The following RNF185 variants were observed in gnomAD, a reference collection of about 807,000 sequenced individuals.
The protein encoded by RNF185 is ring finger protein 185.
A neutral mutation model predicts 24.9 loss-of-function variants in RNF185; 13 were observed. The observed-to-expected ratio is 0.52, with a 90% confidence interval of 0.34 to 0.83. The LOEUF is 0.83. Ranked by LOEUF, RNF185 falls within the 40% of genes least tolerant of loss-of-function variation. The pLI is 0.01. For synonymous variants in RNF185, 79 were observed against 90.3 expected, an observed-to-expected ratio of 0.88 and a Z score of 0.71; for missense variants, 184 against 244.7, an observed-to-expected ratio of 0.75 and a Z score of 1.65.
chr22:31,201,695 T>G, intron 6 of RNF185, 80 bp downstream of exon 6: 1 of 978,296 alleles, frequency 1.0e-6, no homozygotes, highest in African/African-American at 1.6e-5. Context: ...CAGCAGTATA[T>G]AAGTTACAGA....
In RNF185 at chr22:31,206,167, C is replaced by T. The variant is rs2048312770; in HGVS notation, c.*1581C>T. On this transcript the variant is annotated 3_prime_UTR_variant, in exon 7 of 7. Coordinates refer to ENST00000326132, the MANE Select transcript of RNF185 (RefSeq NM_152267.4). ...CTGCATAGTTTATGGAAACAAAGAT[C>T]TTGAGGAAGATGAGGGAAGCCCTCC... is the stretch of plus-strand genomic sequence containing the variant. 6.5e-6 allele frequency: 1 copy of T among 153,004 alleles called. No homozygotes were observed. The highest frequency in any genetic ancestry group is 2.1e-4 in the South Asian group (1 of 4,852). 9.5% of individuals were successfully genotyped at this position (153,004 alleles called of 1,614,324 possible). A position where few individuals can be genotyped will look rare whatever the true frequency, so the allele number is the denominator to read the frequency against.
At chr22:31,200,301 G>A (rs370770950) in intron 5 of RNF185, among the ~76,000 whole-genome samples, 12 of 152,162 alleles carry the variant, frequency 7.9e-5, no homozygotes, top group African/African-American at 2.7e-4. Flanking sequence ...AGTCTACAGT[G>A]AGCCATGATT....
rs1208602446 is a variant in RNF185, at chr22:31,204,517, C to T, written c.510C>T (p.Asp170=). 7.5e-6 allele frequency: 12 copies of T among 1,610,244 alleles called. No homozygotes were observed. Among genetic ancestry groups the T allele is most frequent in the Admixed American group, 1.7e-5 (1 of 59,976 alleles). The change falls in exon 7 of 7, where the codon GAC becomes GAT. Residue 170 remains aspartate (D), a synonymous_variant. Coordinates refer to ENST00000326132, the MANE Select transcript of RNF185 (RefSeq NM_152267.4). ...TCCCTGGGACACCCCAGTATGTGGA[C>T]GAGCAGTTCCTGTCACGCCTCTTCC... ...PAVPGTPQYV[D]EQFLSRLFLF...
chr22:31,168,128 C>T (rs1156852696), intron 1 of RNF185, among the ~76,000 whole-genome samples: 1 of 152,206 alleles, frequency 6.6e-6, no homozygotes, highest in East Asian at 1.9e-4. Context: ...AACCACTATT[C>T]CACTTTCTGT....
intron 2 of RNF185, among the ~76,000 whole-genome samples, chr22:31,188,436 C>T (rs1482813909): frequency 6.6e-6 from 1 of 152,160 alleles, no homozygotes; most frequent in African/African-American, 2.4e-5. Flanking sequence ...AAAACCAGGA[C>T]TTGAAATGAT....
intron 1 of RNF185, among the ~76,000 whole-genome samples, 180 bp from the exon 2 acceptor site, chr22:31,186,867 T>C (rs761740810): frequency 3.1e-4 from 47 of 152,166 alleles, no homozygotes; most frequent in Non-Finnish European, 5.6e-4. Context: ...ATGAGAAGTT[T>C]CTGGGTCACT....
At chr22:31,184,977 A>C (rs1321333429) in intron 1 of RNF185, among the ~76,000 whole-genome samples, 2 of 131,186 alleles carry the variant, frequency 1.5e-5, no homozygotes, top group Non-Finnish European at 3.6e-5. Context: ...TTAATTTTTT[A>C]AGATTTTTTT....
chr22:31,160,346 G>C (rs892207248), intron 1 of RNF185, 43 bp downstream of exon 1: 1 of 152,260 alleles, frequency 6.6e-6, no homozygotes, highest in Non-Finnish European at 1.5e-5. Flanking sequence ...CCAAAGTTTA[G>C]GGACGGGGGC....
At position 31,205,045 on chromosome 22, in the gene RNF185, G is replaced by A. The variant is rs1328774468; in HGVS notation, c.*459G>A. On this transcript the variant is annotated 3_prime_UTR_variant, in exon 7 of 7. Coordinates refer to ENST00000326132, the MANE Select transcript of RNF185 (RefSeq NM_152267.4). ...AGCCAGTGGGGGCTCCTCAGATAGA[G>A]AGGTTCCCCTTTCAAATCCCAGTGC... is the stretch of plus-strand genomic sequence containing the variant. 5.4e-6 allele frequency: 1 copy of A among 184,064 alleles called. No homozygotes were observed. Among genetic ancestry groups the A allele is most frequent in the East Asian group, 1.5e-4 (1 of 6,506 alleles). The allele number at this position is 184,064 out of a possible 1,614,324, so 11.4% of individuals were successfully genotyped here.
intron 1 of RNF185, among the ~76,000 whole-genome samples, chr22:31,171,751 C>G (rs1473673995): frequency 6.6e-6 from 1 of 151,862 alleles, no homozygotes. Context: ...AGCGGATCAC[C>G]TGAGGTCGGG....
chr22:31,175,167 G>T (rs561660086), intron 1 of RNF185, among the ~76,000 whole-genome samples: 50 of 152,074 alleles, frequency 3.3e-4, no homozygotes, highest in African/African-American at 1.1e-3. Context: ...TTATCTCTGG[G>T]CTTGGTGGCT....
At position 31,162,197 on chromosome 22, in the gene RNF185, C is replaced by T. The variant is rs147563826; in HGVS notation, c.-49+1894C>T. On this transcript the variant is annotated intron_variant, in intron 1 of 6. Coordinates refer to ENST00000326132, the MANE Select transcript of RNF185 (RefSeq NM_152267.4). Reference sequence around the variant, plus strand: ...CAGTTCTGCTGACTTGCTCCCCCGCCGCCACAAAAGTTAGGGTTGAGCCAA... The same window carrying T: ...CAGTTCTGCTGACTTGCTCCCCCGCTGCCACAAAAGTTAGGGTTGAGCCAA... 7.7e-4 allele frequency among the ~76,000 whole-genome samples: 117 copies of T among 152,238 alleles called. No homozygotes were observed. In the Middle Eastern group the frequency reaches 0.01, roughly 13 times the overall value.
intron 1 of RNF185, among the ~76,000 whole-genome samples, chr22:31,180,913 C>CTGTGTGTGTG (rs751657598): frequency 1.6e-5 from 1 of 60,862 alleles, no homozygotes; most frequent in African/African-American, 9.2e-5. Context: ...TTCTCTCTCT[C>CTGTGTGTGTG]TCTGTGTGTG....
chr22:31,193,500 A>C (rs2048174730), intron 3 of RNF185, among the ~76,000 whole-genome samples: 1 of 152,192 alleles, frequency 6.6e-6, no homozygotes, highest in Admixed American at 6.5e-5. Context: ...AATGTCTATA[A>C]AAACACATTT....
At chr22:31,170,556 G>A (rs1217831848) in intron 1 of RNF185, among the ~76,000 whole-genome samples, 1 of 151,706 alleles carries the variant, frequency 6.6e-6, no homozygotes, top group Non-Finnish European at 1.5e-5. Flanking sequence ...TGTCACCCAG[G>A]GTGGAGTGCG....
Position 31,170,016 on chromosome 22 carries a change from G to A in RNF185, c.-49+9713G>A, listed in dbSNP as rs866405648. On this transcript the variant is annotated intron_variant, in intron 1 of 6. Coordinates refer to ENST00000326132, the MANE Select transcript of RNF185 (RefSeq NM_152267.4). ...ACTTCTATGTTCATTGAGCCAGATT[G>A]TGTCTGCTTCTGTGGAAATGGCCTA... 2.6e-5 allele frequency among the ~76,000 whole-genome samples: 4 copies of A among 152,286 alleles called. No individual in the cohort carries two copies. In the South Asian group the frequency reaches 6.2e-4, roughly 24 times the overall value.
At chr22:31,195,983 A>G (rs1407368687) in intron 4 of RNF185, among the ~76,000 whole-genome samples, 1 of 152,208 alleles carries the variant, frequency 6.6e-6, no homozygotes, top group East Asian at 1.9e-4. Flanking sequence ...TGGGTCCAGC[A>G]TTCAACAAAC....
chr22:31,192,851 G>A, intron 3 of RNF185, 149 bp downstream of exon 3: 1 of 689,710 alleles, frequency 1.4e-6, no homozygotes, highest in South Asian at 1.8e-5. Flanking sequence ...TTACATACCT[G>A]TCCACTGACA....
intron 6 of RNF185, 93 bp downstream of exon 6, chr22:31,201,708 A>G: frequency 1.2e-6 from 1 of 853,980 alleles, no homozygotes; most frequent in Non-Finnish European, 1.9e-6. Flanking sequence ...GTTACAGATA[A>G]TTGTCACTAC....
Sources: gnomAD v4.1 joint callset for allele counts (sites outside exome capture counted in the v4.1 genomes callset) on GRCh38, gnomAD v4.1.1 for gene constraint, MANE v1.5 for transcripts, NCBI Gene and HGNC (gene_info 2026-07-23, HGNC 2026-07-21) for gene names.